The following FSTL4 variants were observed in gnomAD, a reference collection of about 807,000 sequenced individuals.
FSTL4 encodes the protein follistatin-related protein 4.
Under a neutral mutation model 78.2 loss-of-function variants are expected in FSTL4, and 28 were observed. That is an observed-to-expected ratio of 0.36 (90% CI 0.27 to 0.49). The LOEUF is 0.49. Ranked by LOEUF, FSTL4 falls within the 20% of genes least tolerant of loss-of-function variation. FSTL4 has a pLI of 0.98. For synonymous variants in FSTL4, 422 were observed against 440.5 expected (o/e 0.96, Z 0.53); for missense variants, 922 against 1,084.9 (o/e 0.85, Z 2.11).
intron 5 of FSTL4, 52 bp from the exon 6 acceptor site, chr5:133,312,829 A>G: frequency 2.5e-6 from 4 of 1,594,060 alleles, no homozygotes; most frequent in Non-Finnish European, 3.4e-6. Context: ...TTAGAGTCAT[A>G]GGCATTGATG....
At chr5:133,321,856 C>T (rs1293874607) in intron 4 of FSTL4, among the ~76,000 whole-genome samples, 3 of 152,352 alleles carry the variant, frequency 2.0e-5, no homozygotes, top group African/African-American at 7.2e-5. Context: ...TCAGCAGGGG[C>T]TGCCAGGTTG....
chr5:133,822,768 C>T, the FSTL4 span, among the ~76,000 whole-genome samples: 2 of 152,042 alleles, frequency 1.3e-5, no homozygotes, highest in Admixed American at 6.6e-5. Context: ...TTCGGACCCA[C>T]GAACTCTAAC....
the FSTL4 span, among the ~76,000 whole-genome samples, chr5:133,700,321 A>G: frequency 1.4e-5 from 2 of 140,360 alleles, no homozygotes; most frequent in South Asian, 4.6e-4. Flanking sequence ...TCACACCAAA[A>G]CATCACACCA....
At chr5:133,283,649 G>C (rs1396571935) in intron 6 of FSTL4, among the ~76,000 whole-genome samples, 1 of 152,182 alleles carries the variant, frequency 6.6e-6, no homozygotes, top group Non-Finnish European at 1.5e-5. Flanking sequence ...TGACCATAAG[G>C]TGCATTTGCC....
At chr5:133,670,952 A>G in the FSTL4 span, among the ~76,000 whole-genome samples, 1 of 152,170 alleles carries the variant, frequency 6.6e-6, no homozygotes, top group Non-Finnish European at 1.5e-5. Flanking sequence ...CCATCTCCAG[A>G]TCCTTTGAAT....
At chr5:133,835,936 C>T in the FSTL4 span, among the ~76,000 whole-genome samples, 9 of 152,136 alleles carry the variant, frequency 5.9e-5, no homozygotes, top group African/African-American at 1.9e-4. Flanking sequence ...AGTATGTTGA[C>T]ACTTTATCAT....
At chr5:133,477,084 A>G (rs1757939538) in intron 3 of FSTL4, among the ~76,000 whole-genome samples, 1 of 152,260 alleles carries the variant, frequency 6.6e-6, no homozygotes, top group Admixed American at 6.5e-5. Context: ...CTTAAGAAGC[A>G]AGCAAACTAA....
intron 10 of FSTL4, 31 bp from the exon 11 acceptor site, chr5:133,224,247 G>A: frequency 6.3e-7 from 1 of 1,589,872 alleles, no homozygotes; most frequent in Non-Finnish European, 8.6e-7. Flanking sequence ...GAAAGCAGGA[G>A]TGTGATGGAG....
the FSTL4 span, among the ~76,000 whole-genome samples, chr5:133,667,532 C>A: frequency 6.6e-6 from 1 of 152,194 alleles, no homozygotes; most frequent in East Asian, 1.9e-4. Context: ...TCCTGCAACT[C>A]TTTCCTGACT....
chr5:133,714,702 G>A, the FSTL4 span, among the ~76,000 whole-genome samples: 1 of 152,188 alleles, frequency 6.6e-6, no homozygotes, highest in African/African-American at 2.4e-5. Flanking sequence ...AACACCATAT[G>A]CCTCCCCTGC....
the FSTL4 span, among the ~76,000 whole-genome samples, chr5:133,693,387 AT>A: frequency 6.6e-6 from 1 of 152,248 alleles, no homozygotes; most frequent in African/African-American, 2.4e-5. Flanking sequence ...TTATACAATT[AT>A]GAAAAATTTT....
At chr5:133,692,891 C>T in the FSTL4 span, among the ~76,000 whole-genome samples, 1 of 152,236 alleles carries the variant, frequency 6.6e-6, no homozygotes, top group Non-Finnish European at 1.5e-5. Context: ...AGGTCCACTG[C>T]CATCTGCCTC....
chr5:133,402,302 A>C (rs1756248845), intron 3 of FSTL4, among the ~76,000 whole-genome samples: 1 of 152,214 alleles, frequency 6.6e-6, no homozygotes, highest in African/African-American at 2.4e-5. Flanking sequence ...GTTTAAGTGA[A>C]AGGCGAAACA....
intron 1 of FSTL4, among the ~76,000 whole-genome samples, chr5:133,604,764 G>A (rs1225615444): frequency 6.6e-6 from 1 of 152,164 alleles, no homozygotes; most frequent in African/African-American, 2.4e-5. Flanking sequence ...CTCATTTGCA[G>A]CCGACACCTC....
intron 3 of FSTL4, among the ~76,000 whole-genome samples, chr5:133,416,776 C>T (rs1756587267): frequency 6.6e-6 from 1 of 152,174 alleles, no homozygotes; most frequent in Non-Finnish European, 1.5e-5. Context: ...ATTTTAAAAA[C>T]TGCTAAGGAC....
chr5:133,376,235 C>G (rs1252149638), intron 4 of FSTL4, among the ~76,000 whole-genome samples: 1 of 152,138 alleles, frequency 6.6e-6, no homozygotes, highest in African/African-American at 2.4e-5. Context: ...ATCAACTGAA[C>G]AGAAGAAAGA....
intron 3 of FSTL4, among the ~76,000 whole-genome samples, chr5:133,419,054 T>C (rs778715770): frequency 4.6e-5 from 7 of 152,262 alleles, no homozygotes; most frequent in Non-Finnish European, 8.8e-5. Context: ...GATTCGTTCA[T>C]GTTATAGAAT....
At chr5:133,500,329 A>AGCTCAT (rs1330747210) in intron 3 of FSTL4, among the ~76,000 whole-genome samples, 1 of 152,142 alleles carries the variant, frequency 6.6e-6, no homozygotes, top group Non-Finnish European at 1.5e-5. Context: ...TTGAGACTGG[A>AGCTCAT]GCTCATGCTT....
chr5:133,677,502 A>G, the FSTL4 span, among the ~76,000 whole-genome samples: 6 of 152,246 alleles, frequency 3.9e-5, no homozygotes, highest in African/African-American at 1.4e-4. Context: ...TAAGTTAAGA[A>G]GCAAAGTCGA....
Sources: allele counts gnomAD v4.1 joint callset (sites outside exome capture counted in the v4.1 genomes callset), GRCh38; gene constraint gnomAD v4.1.1; transcripts MANE v1.5; gene names NCBI Gene and HGNC (gene_info 2026-07-23, HGNC 2026-07-21).